The following TLE7 variants were observed in gnomAD, a reference collection of about 807,000 sequenced individuals.
TLE7 encodes TLE family member 7.
Position 71,439,020 on chromosome 16 carries a change from T to G in TLE7, c.-97+2949A>C, listed in dbSNP as rs532423372. 5.3e-5 allele frequency among the ~76,000 whole-genome samples: 8 copies of G among 152,290 alleles called. No individual in the cohort carries two copies. The South Asian group carries it at 1.5e-3, about 28-fold the overall frequency. On this transcript the variant is annotated intron_variant, in intron 1 of 9. Transcript: ENST00000561754. Reference sequence around the variant, plus strand: ...ACACCTGTGCCCCTTCCCCACCACCTTTCCATCCCCGTGGCCAGTTGGCAC... The same window carrying G: ...ACACCTGTGCCCCTTCCCCACCACCGTTCCATCCCCGTGGCCAGTTGGCAC...
intron 1 of TLE7, among the ~76,000 whole-genome samples, chr16:71,439,116 G>A (rs141906732): frequency 3.3e-5 from 5 of 152,280 alleles, no homozygotes; most frequent in African/African-American, 4.8e-5. Flanking sequence ...ACCATGACCC[G>A]TGTGGAATTC....
At chr16:71,433,582 G>A (rs1446762397) in intron 1 of TLE7, among the ~76,000 whole-genome samples, 162 bp from the exon 2 acceptor site, 3 of 152,202 alleles carry the variant, frequency 2.0e-5, no homozygotes, top group East Asian at 1.9e-4. Flanking sequence ...GGGTGAAAGC[G>A]TCACACAAGC....
chr16:71,433,457 TG>T (rs1437117333), intron 1 of TLE7, 37 bp from the exon 2 acceptor site: 3 of 397,500 alleles, frequency 7.5e-6, no homozygotes, highest in African/African-American at 6.2e-5. Flanking sequence ...GCTATGCACA[TG>T]TGCTCTGTAG....
At chr16:71,432,804 C>G (rs891654494) in intron 3 of TLE7, 66 bp downstream of exon 3, 1 of 399,130 alleles carries the variant, frequency 2.5e-6, no homozygotes, top group Non-Finnish European at 4.4e-6. Context: ...ACCAGGCCCC[C>G]GTTCCTAGTC....
intron 1 of TLE7, among the ~76,000 whole-genome samples, chr16:71,435,558 G>A (rs1470171247): frequency 6.6e-6 from 1 of 152,170 alleles, no homozygotes; most frequent in East Asian, 1.9e-4. Flanking sequence ...AAGAAAAATG[G>A]AAATTAAATT....
chr16:71,437,298 G>A (rs1262809824), intron 1 of TLE7, among the ~76,000 whole-genome samples: 1 of 145,592 alleles, frequency 6.9e-6, no homozygotes, highest in Non-Finnish European at 1.5e-5. Context: ...GCAGTGAGCT[G>A]AGATTGCGCC....
rs373052020 is a variant in TLE7, at chr16:71,431,493, A to T, written c.921T>A (p.Gly307=). 8.5e-4 allele frequency: 340 copies of T among 400,610 alleles called. 7 individuals are homozygous for T. The South Asian group carries it at 0.038, about 44-fold the overall frequency. 24.8% of individuals were successfully genotyped at this position (400,610 alleles called of 1,614,324 possible). The change falls in exon 7 of 10, where the codon GGT becomes GGA. Residue 307 remains glycine, a synonymous_variant. Coordinates refer to ENST00000561754, the MANE Select transcript of TLE7 (RefSeq NM_001367365.2). This position sits in a 1 kb window ranked among gnomAD's most constrained non-coding sequence, Gnocchi z 4.5. Reference sequence around the variant, plus strand: ...CCCAGGAATACAGGATGGTGTCTTCACCTCCTGTCCAGAATATATTGCCGG... The same window carrying T: ...CCCAGGAATACAGGATGGTGTCTTCTCCTCCTGTCCAGAATATATTGCCGG... The part of the protein sequence containing the change: ...DITGNIFWTG[G]EDTILYSWDL...
At position 71,431,163 on chromosome 16, in the gene TLE7, T is replaced by C; in HGVS notation, c.1105A>G (p.Lys369Glu). 1 of 400,728 alleles carries C rather than the reference T, an allele frequency of 2.5e-6. No individual in the cohort carries two copies. The highest frequency in any genetic ancestry group is 4.4e-6 in the Non-Finnish European group (1 of 226,242). The allele number at this position is 400,728 out of a possible 1,614,324, so 24.8% of individuals were successfully genotyped here. A position where few individuals can be genotyped will look rare whatever the true frequency, so the allele number is the denominator to read the frequency against. ...AGGCTGTGGTGGCGGGTGTATTTTT[T>C]CATGAGAGCCTTAAACTGCTCATTC... is the stretch of plus-strand genomic sequence containing the variant. ...RRNEQFKALM[K>E]KYTRHHSLKF... Residue 369 changes from lysine (K) to glutamate (E), a missense_variant, in exon 8 of 10, where the codon AAA becomes GAA. Lys to Glu is a moderately conservative substitution (Grantham distance 56, BLOSUM62 1). Transcript: ENST00000561754. This position sits in a 1 kb window ranked among gnomAD's most constrained non-coding sequence, Gnocchi z 4.5.
chr16:71,442,010 G>C lies in TLE7; in HGVS notation c.-138C>G, dbSNP rs1333091003. The C allele has an allele frequency of 6.6e-6, 1 of 152,312 alleles. No individual in the cohort carries two copies. Among genetic ancestry groups the C allele is most frequent in the Non-Finnish European group, 1.5e-5 (1 of 68,154 alleles). The allele number at this position is 152,312 out of a possible 1,614,324, so 9.4% of individuals were successfully genotyped here. A position where few individuals can be genotyped will look rare whatever the true frequency, so the allele number is the denominator to read the frequency against. On this transcript the variant is annotated 5_prime_UTR_variant, in exon 1 of 10. Coordinates refer to ENST00000561754, the MANE Select transcript of TLE7 (RefSeq NM_001367365.2). ...AGGTCCCTCGGGGCAACCAGAGGAC[G>C]GAGGCTTGGTGCCGCAGGGCAGTCG...
chr16:71,430,515 T>C (rs1567555281), intron 9 of TLE7, 149 bp from the exon 10 acceptor site: 1 of 397,876 alleles, frequency 2.5e-6, no homozygotes, highest in South Asian at 1.4e-4. Context: ...TGGGAGTTCA[T>C]AGGATGTGAA....
rs1240807633 is a variant in TLE7 at position 71,433,097 on chromosome 16, G to A, written c.228C>T (p.His76=). The A allele has an allele frequency of 5.0e-6, 2 of 398,748 alleles. No individual in the cohort carries two copies. Among genetic ancestry groups the A allele is most frequent in the Non-Finnish European group, 8.8e-6 (2 of 226,260 alleles). The allele number at this position is 398,748 out of a possible 1,614,324, so 24.7% of individuals were successfully genotyped here. A position where few individuals can be genotyped will look rare whatever the true frequency, so the allele number is the denominator to read the frequency against. Residue 76 remains histidine, a synonymous_variant, in exon 2 of 10, where the codon CAC becomes CAT. Transcript: ENST00000561754. ...GCTCAGATCTACCCAGGCCCTGGAG[G>A]TGCCACTGCTGCTGGGTCACCGTGC... ...ETSTVTQQQW[H]LQGLGRSELQ...
intron 8 of TLE7, 147 bp downstream of exon 8, chr16:71,430,974 T>C (rs1322488523): frequency 2.5e-6 from 1 of 398,962 alleles, no homozygotes; most frequent in Non-Finnish European, 4.4e-6. Context: ...GCCTCTTCAG[T>C]CTGCCTGAGT....
intron 1 of TLE7, among the ~76,000 whole-genome samples, chr16:71,439,283 G>A (rs1221636716): frequency 6.6e-6 from 1 of 152,214 alleles, no homozygotes; most frequent in Non-Finnish European, 1.5e-5. Context: ...CGTAAGGTCA[G>A]AAGGATGGAA....
chr16:71,440,302 C>T (rs1039598517), intron 1 of TLE7, among the ~76,000 whole-genome samples: 27 of 152,132 alleles, frequency 1.8e-4, no homozygotes, highest in Non-Finnish European at 2.9e-5. Flanking sequence ...TTGTGATGTA[C>T]CTAATGCCAC....
Position 71,433,132 on chromosome 16 carries a change from G to T in TLE7, c.193C>A (p.Gln65Lys). ...TGCTGGGTCACCGTGCTTGTCTCTT[G>T]ATCAGCAGGGCTGTGCTGTATTGGG... The part of the protein sequence containing the change: ...GPPIQHSPAD[Q>K]ETSTVTQQQW... Residue 65 changes from glutamine (Q) to lysine (K), a missense_variant, in exon 2 of 10, where the codon CAA becomes AAA. Physicochemically the swap from Gln to Lys is moderately conservative, Grantham distance 53 (BLOSUM62 1). Transcript: ENST00000561754. 2.5e-6 allele frequency: 1 copy of T among 398,760 alleles called. No homozygotes were observed. Among genetic ancestry groups the T allele is most frequent in the Non-Finnish European group, 4.4e-6 (1 of 226,196 alleles). The allele number at this position is 398,760 out of a possible 1,614,324, so 24.7% of individuals were successfully genotyped here.
chr16:71,437,447 A>AG (rs1212578015), intron 1 of TLE7, among the ~76,000 whole-genome samples: 17 of 137,288 alleles, frequency 1.2e-4, no homozygotes, highest in African/African-American at 4.6e-4. Context: ...AGGAAGGAAG[A>AG]AAGGAAAGAG....
rs2042807278 is a variant in TLE7, at chr16:71,432,179, G to A, written c.540C>T (p.Tyr180=). 1 of 400,956 alleles carries A rather than the reference G, an allele frequency of 2.5e-6. No individual in the cohort carries two copies. The highest frequency in any genetic ancestry group is 4.4e-6 in the Non-Finnish European group (1 of 226,360). 24.8% of individuals were successfully genotyped at this position (400,956 alleles called of 1,614,324 possible). ...GCGCACTCTCATCCCATACCCTGAT[G>A]TAGCCAGAGCCACACGTGTACACGT... The part of the protein sequence containing the change: ...THHVYTCGSG[Y]IRVWDESALH... The change falls in exon 5 of 10, where the codon TAC becomes TAT. Residue 180 remains tyrosine (Y), a synonymous_variant. Transcript: ENST00000561754.
At chr16:71,437,889 T>G (rs2042832475) in intron 1 of TLE7, among the ~76,000 whole-genome samples, 1 of 152,118 alleles carries the variant, frequency 6.6e-6, no homozygotes. Context: ...TCTGCCTCAC[T>G]TACACACCCC....
At chr16:71,438,608 G>A (rs1199321956) in intron 1 of TLE7, among the ~76,000 whole-genome samples, 2 of 148,458 alleles carry the variant, frequency 1.3e-5, no homozygotes. Flanking sequence ...CTTGAACCCA[G>A]GAGACAGAGG....
Sources: gnomAD v4.1 joint callset for allele counts (sites outside exome capture counted in the v4.1 genomes callset) on GRCh38, gnomAD v4.1.1 for gene constraint, Gnocchi (gnomAD v3.1) non-coding constraint, MANE v1.5 for transcripts, NCBI Gene and HGNC (gene_info 2026-07-23, HGNC 2026-07-21) for gene names.